Variants in USP24 observed in about 807,000 individuals in gnomAD.
USP24 encodes ubiquitin specific peptidase 24.
Under a neutral mutation model 361.6 loss-of-function variants are expected in USP24, and 97 were observed. That is an observed-to-expected ratio of 0.27 (90% confidence interval 0.23 to 0.32). The LOEUF (loss-of-function observed/expected upper bound fraction) is 0.32, where lower values mean the gene tolerates loss of function less well. USP24 is among the 10% of genes least tolerant of loss of function. The pLI is 1.00. For synonymous variants in USP24, 1,098 were observed against 1,124.6 expected (o/e 0.98, Z 0.47); for missense variants, 2,353 against 3,165.6 (o/e 0.74, Z 6.16).
chr1:55,199,505 T>C (rs1644506724), intron 1 of USP24, among the ~76,000 whole-genome samples: 2 of 152,082 alleles, frequency 1.3e-5, no homozygotes, highest in South Asian at 2.1e-4. Flanking sequence ...TAGAATGTCT[T>C]TGTCCTTAGG....
chr1:55,161,752 C>T (rs994818086), intron 8 of USP24, among the ~76,000 whole-genome samples: 2 of 152,084 alleles, frequency 1.3e-5, no homozygotes, highest in Non-Finnish European at 2.9e-5. Context: ...ACTTACAATC[C>T]TACGGAGGTA....
chr1:55,078,960 A>G (rs1645085055), intron 60 of USP24, among the ~76,000 whole-genome samples: 1 of 152,018 alleles, frequency 6.6e-6, no homozygotes, highest in Non-Finnish European at 1.5e-5. Context: ...AAAAAAAAAA[A>G]AAGATATGTA....
Position 55,083,880 on chromosome 1 carries a change from G to T in USP24, c.6774C>A (p.Ser2258Arg). Reference protein sequence around the residue: ...SALFYQDKLKSLHQLLEVLLA... With the variant: ...SALFYQDKLKRLHQLLEVLLA... ...GTAGTACCTCCAGTAACTGATGAAG[G>T]CTTTTTAACTGGTTAGAGGAAAGAT... Residue 2258 changes from serine (S) to arginine (R), a missense_variant, in exon 57 of 68, where the codon AGC becomes AGA. By Grantham distance (110) the Ser-to-Arg change is moderately radical. Coordinates refer to ENST00000294383, the MANE Select transcript of USP24 (RefSeq NM_015306.3). The T allele has an allele frequency of 3.1e-6, 5 of 1,592,548 alleles. No individual in the cohort carries two copies. The highest frequency in any genetic ancestry group is 4.3e-6 in the Non-Finnish European group (5 of 1,169,278).
chr1:55,141,604 C>T lies in USP24; in HGVS notation c.2750+12G>A, dbSNP rs1295193011. 4 of 1,603,000 alleles carry T rather than the reference C, an allele frequency of 2.5e-6. No individual in the cohort carries two copies. Among genetic ancestry groups the T allele is most frequent in the South Asian group, 1.1e-5 (1 of 89,230 alleles). On this transcript the variant is annotated intron_variant, in intron 24 of 67. Coordinates refer to ENST00000294383, the MANE Select transcript of USP24 (RefSeq NM_015306.3). ...TATGTGTGTTGTGTATTTTTCACTTCTGATCACTTACCTATAAGGAGACTG... is the reference window on the plus strand; with the variant it reads ...TATGTGTGTTGTGTATTTTTCACTTTTGATCACTTACCTATAAGGAGACTG...
rs1003665720 is a variant in USP24 at position 55,171,155 on chromosome 1, A to C, written c.825+401T>G. On this transcript the variant is annotated intron_variant, in intron 5 of 67. Coordinates refer to ENST00000294383, the MANE Select transcript of USP24 (RefSeq NM_015306.3). ...GGCCTGAAAAAGCAAGTTTTAATGC[A>C]TATGAAGTTCAAAAGAAAATATATA... Among the ~76,000 whole-genome samples the C allele has an allele frequency of 1.5e-4, 23 of 152,224 alleles. 1 individual carries two copies. Among genetic ancestry groups the C allele is most frequent in the Admixed American group, 1.3e-3 (20 of 15,272 alleles).
chr1:55,082,521 A>T (rs140380817), intron 58 of USP24, among the ~76,000 whole-genome samples: 338 of 152,334 alleles, frequency 2.2e-3, no homozygotes, highest in African/African-American at 7.8e-3. Context: ...GACATATTCA[A>T]CACTATTCTA....
intron 1 of USP24, among the ~76,000 whole-genome samples, chr1:55,183,378 T>C (rs1325033301): frequency 6.6e-6 from 1 of 152,196 alleles, no homozygotes; most frequent in African/African-American, 2.4e-5. Context: ...TATATCTAAA[T>C]ACATACATAG....
rs755048194 is a variant in USP24, at chr1:55,100,920, G to A, written c.5190C>T (p.Ser1730=). The change falls in exon 44 of 68, where the codon AGC becomes AGT. Residue 1730 remains serine, a synonymous_variant. Transcript: ENST00000294383. ...AGAGAGACTGCACTTGGTAAAACAC[G>A]CTATCATCTGGATTGTCTGTGTCAT... The part of the protein sequence containing the change: ...VDDDTDNPDD[S]VFYQVQSLFG... The A allele has an allele frequency of 2.2e-5, 35 of 1,613,394 alleles. No individual in the cohort carries two copies. The highest frequency in any genetic ancestry group is 2.7e-5 in the African/African-American group (2 of 74,858).
At chr1:55,166,159 T>A (rs557934601) in intron 6 of USP24, among the ~76,000 whole-genome samples, 1 of 151,080 alleles carries the variant, frequency 6.6e-6, no homozygotes, top group East Asian at 1.9e-4. Context: ...AATCCAATTA[T>A]ATTATTTAAG....
chr1:55,080,268 T>G (rs932851722), intron 59 of USP24, among the ~76,000 whole-genome samples: 1 of 152,158 alleles, frequency 6.6e-6, no homozygotes, highest in East Asian at 1.9e-4. Flanking sequence ...TTTAGATGAG[T>G]TGGAGTTTAG....
chr1:55,154,359 T>A lies in USP24; in HGVS notation c.1650+12A>T. The A allele has an allele frequency of 6.4e-7, 1 of 1,553,018 alleles. No individual in the cohort carries two copies. The highest frequency in any genetic ancestry group is 8.7e-7 in the Non-Finnish European group (1 of 1,147,642). Reference sequence around the variant, plus strand: ...GCATTTGTAGCTAGAAAAATCCATTTGATTCTCCTGCCTTTCCAGAAGTGG... The same window carrying A: ...GCATTTGTAGCTAGAAAAATCCATTAGATTCTCCTGCCTTTCCAGAAGTGG... On this transcript the variant is annotated intron_variant, in intron 14 of 67. Transcript: ENST00000294383.
chr1:55,108,545 G>A (rs1645857204), intron 39 of USP24, among the ~76,000 whole-genome samples: 2 of 152,210 alleles, frequency 1.3e-5, no homozygotes, highest in South Asian at 4.1e-4. Context: ...TGTATGAAGT[G>A]CTAGTATAGG....
At chr1:55,156,787 T>C (rs540428749) in intron 12 of USP24, among the ~76,000 whole-genome samples, 161 bp downstream of exon 12, 6 of 152,172 alleles carry the variant, frequency 3.9e-5, no homozygotes, top group Non-Finnish European at 7.3e-5. Context: ...GATTTACACA[T>C]ACAATCTTAA....
Position 55,067,228 on chromosome 1 carries a change from G to A in USP24, c.*1817C>T, listed in dbSNP as rs915557413. On this transcript the variant is annotated 3_prime_UTR_variant, in exon 68 of 68. Transcript: ENST00000294383. Reference sequence around the variant, plus strand: ...TGTGGATCATCGCCAGCATTTCAAGGTCATGTCCCACACAATCTCTTGGTG... The same window carrying A: ...TGTGGATCATCGCCAGCATTTCAAGATCATGTCCCACACAATCTCTTGGTG... 1 of 151,832 alleles carries A rather than the reference G, an allele frequency of 6.6e-6. No individual in the cohort carries two copies. The highest frequency in any genetic ancestry group is 2.1e-4 in the South Asian group (1 of 4,794). The allele number at this position is 151,832 out of a possible 1,614,324, so 9.4% of individuals were successfully genotyped here.
At chr1:55,098,657 C>CG (rs953642577) in intron 45 of USP24, 99 bp from the exon 46 acceptor site, 3 of 842,788 alleles carry the variant, frequency 3.6e-6, no homozygotes, top group East Asian at 2.6e-5. Context: ...CAAAACAAAA[C>CG]GCGTCATTCT....
At chr1:55,081,515 T>A in intron 58 of USP24, 91 bp from the exon 59 acceptor site, 1 of 1,233,668 alleles carries the variant, frequency 8.1e-7, no homozygotes, top group Non-Finnish European at 1.2e-6. Flanking sequence ...CATAATATTC[T>A]GGGCTTTAAT....
intron 24 of USP24, among the ~76,000 whole-genome samples, chr1:55,140,221 GA>G (rs1310559495): frequency 1.3e-5 from 2 of 151,660 alleles, no homozygotes; most frequent in Non-Finnish European, 2.9e-5. Context: ...TTAGTAAAGA[GA>G]AAAAAACAAA....
At chr1:55,162,763 T>C (rs1021572831) in intron 7 of USP24, among the ~76,000 whole-genome samples, 3 of 152,112 alleles carry the variant, frequency 2.0e-5, no homozygotes, top group Non-Finnish European at 4.4e-5. Context: ...TTAATGCAAT[T>C]CCAAACACGA....
rs751998865 is a variant in USP24 at position 55,081,308 on chromosome 1, T to C, written c.7078+14A>G. On this transcript the variant is annotated intron_variant, in intron 59 of 67. Coordinates refer to ENST00000294383, the MANE Select transcript of USP24 (RefSeq NM_015306.3). ...AATTCAGTATCTCTTCATTCTAAGATATGTTAAGCTTACCAACATTCCTTT... is the reference window on the plus strand; with the variant it reads ...AATTCAGTATCTCTTCATTCTAAGACATGTTAAGCTTACCAACATTCCTTT... 8 of 1,610,430 alleles carry C rather than the reference T, an allele frequency of 5.0e-6. No homozygotes were observed. In the Admixed American group the frequency reaches 1.3e-4, roughly 27 times the overall value.
Sources: gnomAD v4.1 joint callset for allele counts (sites outside exome capture counted in the v4.1 genomes callset) on GRCh38, gnomAD v4.1.1 for gene constraint, MANE v1.5 for transcripts, NCBI Gene and HGNC (gene_info 2026-07-23, HGNC 2026-07-21) for gene names.